Variants in DNMT3L observed in about 807,000 individuals in gnomAD.
DNMT3L encodes the protein DNA (cytosine-5)-methyltransferase 3-like.
DNMT3L carries 33 observed loss-of-function variants against 36.2 expected under a neutral mutation model. That is an observed-to-expected ratio of 0.91 (90% CI 0.69 to 1.22). The LOEUF is 1.22. DNMT3L is among the 50% of genes most tolerant of loss of function. The pLI, the probability that DNMT3L is intolerant of heterozygous loss-of-function variation, is 0.00. For synonymous variants in DNMT3L, 117 were observed against 121.7 expected, an observed-to-expected ratio of 0.96 and a Z score of 0.26; for missense variants, 310 against 303.1, an observed-to-expected ratio of 1.02 and a Z score of -0.17.
Position 44,254,673 on chromosome 21 carries a change from A to G in DNMT3L, c.637T>C (p.Ser213Pro). 1 of 1,614,004 alleles carries G rather than the reference A, an allele frequency of 6.2e-7. No homozygotes were observed. The highest frequency in any genetic ancestry group is 8.5e-7 in the Non-Finnish European group (1 of 1,179,984). Reference protein sequence around the residue: ...LTSLGFLESGSDPGQLKHVVD... With the variant: ...LTSLGFLESGPDPGQLKHVVD... ...ACATGCTTCAGTTGTCCCGGGTCAG[A>G]ACCACTTTCCAAAAAGCCCAAACTC... Residue 213 changes from serine (S) to proline (P), a missense_variant, in exon 8 of 12, where the codon TCT becomes CCT. Ser to Pro is a moderately conservative substitution (Grantham distance 74). Transcript: ENST00000628202.
At chr21:44,256,005 A>T (rs1484314349) in intron 7 of DNMT3L, 62 bp downstream of exon 7, 1 of 1,573,474 alleles carries the variant, frequency 6.4e-7, no homozygotes, top group South Asian at 1.1e-5. Flanking sequence ...GGGTGGCCTG[A>T]GGGGCAGTCA....
intron 6 of DNMT3L, among the ~76,000 whole-genome samples, chr21:44,257,927 A>C (rs2040277740): frequency 6.6e-6 from 1 of 152,032 alleles, no homozygotes; most frequent in Non-Finnish European, 1.5e-5. Context: ...CTCCATCATC[A>C]TGTGACTGTC....
intron 6 of DNMT3L, among the ~76,000 whole-genome samples, chr21:44,256,586 G>A (rs779870003): frequency 1.4e-4 from 21 of 148,712 alleles, no homozygotes; most frequent in Non-Finnish European, 2.8e-4. Flanking sequence ...CACCACGCCC[G>A]GCTAATTTTT....
In DNMT3L at chr21:44,259,461, A is replaced by G. The variant is rs373201082; in HGVS notation, c.320T>C (p.Ile107Thr). 9.3e-6 allele frequency: 15 copies of G among 1,613,510 alleles called. No individual in the cohort carries two copies. Among genetic ancestry groups the G allele is most frequent in the African/African-American group, 1.3e-5 (1 of 74,916 alleles). ...SICCSGETLL[I>T]CGNPDCTRCY... ...CCGGGTGCAATCAGGGTTTCCGCAG[A>G]TGAGCAGCGTCTCTCCGGAGCAGCA... Residue 107 changes from isoleucine to threonine, a missense_variant, in exon 5 of 12, where the codon ATC becomes ACC. Physicochemically the swap from Ile to Thr is moderately conservative, Grantham distance 89. Transcript: ENST00000628202.
At chr21:44,254,005 G>C (rs573814248) in intron 8 of DNMT3L, among the ~76,000 whole-genome samples, 1 of 152,158 alleles carries the variant, frequency 6.6e-6, no homozygotes, top group African/African-American at 2.4e-5. Flanking sequence ...GGTGAGGGGG[G>C]GCTGCTGGTC....
chr21:44,260,700 C>T, intron 3 of DNMT3L, 95 bp downstream of exon 3: 5 of 1,517,718 alleles, frequency 3.3e-6, no homozygotes, highest in Non-Finnish European at 4.6e-6. Flanking sequence ...TCAAATGATC[C>T]TCCCACATTG....
chr21:44,259,551 T>A lies in DNMT3L; in HGVS notation c.232-2A>T. On this transcript the variant is annotated splice_acceptor_variant, in intron 4 of 11. Coordinates refer to ENST00000628202, the MANE Select transcript of DNMT3L (RefSeq NM_175867.3). LOFTEE classifies it high-confidence loss of function. ...GAAGAGGGCATCCAGGAACTTGTCC[T>A]TGGAAGGAGCAAAGCAAGGCTGGCT... is the stretch of plus-strand genomic sequence containing the variant. The A allele has an allele frequency of 6.2e-7, 1 of 1,613,670 alleles. No individual in the cohort carries two copies. Among genetic ancestry groups the A allele is most frequent in the Non-Finnish European group, 8.5e-7 (1 of 1,179,998 alleles).
chr21:44,261,382 C>G, intron 1 of DNMT3L, 116 bp from the exon 2 acceptor site: 1 of 949,636 alleles, frequency 1.1e-6, no homozygotes, highest in East Asian at 2.6e-5. Context: ...GTTCAGGCCA[C>G]CTGAACCCCC....
chr21:44,258,410 AGGCTGCAGCCGTGGTGCCCGTC>A lies in DNMT3L; in HGVS notation c.516+91_516+112del. ...ACCCAGGAAAGAGTGTTTGCTCCCG[AGGCTGCAGCCGTGGTGCCCGTC>A]GGCGCGCCTGCATTCTGCAGCGGGA... On this transcript the variant is annotated intron_variant, in intron 6 of 11. Coordinates refer to ENST00000628202, the MANE Select transcript of DNMT3L (RefSeq NM_175867.3). This position sits in a 1 kb window ranked among gnomAD's most constrained non-coding sequence, Gnocchi z 6.2. 2 of 1,391,612 alleles carry A rather than the reference AGGCTGCAGCCGTGGTGCCCGTC, an allele frequency of 1.4e-6. No homozygotes were observed. The highest frequency in any genetic ancestry group is 1.9e-6 in the Non-Finnish European group (2 of 1,050,694). The allele number at this position is 1,391,612 out of a possible 1,614,324, so 86.2% of individuals were successfully genotyped here. A position where few individuals can be genotyped will look rare whatever the true frequency, so the allele number is the denominator to read the frequency against.
intron 6 of DNMT3L, 59 bp from the exon 7 acceptor site, chr21:44,256,213 G>T: frequency 6.4e-7 from 1 of 1,560,498 alleles, no homozygotes; most frequent in Non-Finnish European, 8.8e-7. Flanking sequence ...CAGAGCCCTT[G>T]AGTTACAATG....
At chr21:44,257,812 C>A (rs911405000) in intron 6 of DNMT3L, among the ~76,000 whole-genome samples, 1 of 152,232 alleles carries the variant, frequency 6.6e-6, no homozygotes, top group African/African-American at 2.4e-5. Context: ...TGCCGGCAGG[C>A]GTGCCTCCCT....
intron 6 of DNMT3L, among the ~76,000 whole-genome samples, chr21:44,257,572 T>C (rs1181468265): frequency 6.8e-6 from 1 of 147,806 alleles, no homozygotes; most frequent in East Asian, 2.0e-4. Flanking sequence ...TCCCAGCTAC[T>C]TGGGAGGCTG....
chr21:44,253,589 G>A (rs1220099950), intron 8 of DNMT3L, among the ~76,000 whole-genome samples: 1 of 152,034 alleles, frequency 6.6e-6, no homozygotes, highest in South Asian at 2.1e-4. Context: ...CATGGTGGCG[G>A]GTGCCTGTAA....
At chr21:44,256,241 G>T (rs1161000580) in intron 6 of DNMT3L, 87 bp from the exon 7 acceptor site, 1 of 1,367,652 alleles carries the variant, frequency 7.3e-7, no homozygotes, top group Non-Finnish European at 1.0e-6. Flanking sequence ...TTCCCTGGAT[G>T]AACACTCACT....
rs747790493 is a variant in DNMT3L at position 44,259,472 on chromosome 21, C to G, written c.309G>C (p.Glu103Asp). The change falls in exon 5 of 12, where the codon GAG becomes GAC. Residue 103 changes from glutamate (E) to aspartate (D), a missense_variant. Glu to Asp is a conservative substitution (Grantham distance 45, BLOSUM62 2). Transcript: ENST00000628202. ...QSYCSICCSG[E>D]TLLICGNPDC... ...CAGGGTTTCCGCAGATGAGCAGCGT[C>G]TCTCCGGAGCAGCAGATGGAGCAGT... is the stretch of plus-strand genomic sequence containing the variant. 6.2e-7 allele frequency: 1 copy of G among 1,613,676 alleles called. No homozygotes were observed. Among genetic ancestry groups the G allele is most frequent in the Non-Finnish European group, 8.5e-7 (1 of 1,180,018 alleles).
rs2040288998 is a variant in DNMT3L at position 44,258,890 on chromosome 21, G to A, written c.345-196C>T. On this transcript the variant is annotated intron_variant, in intron 5 of 11. Transcript: ENST00000628202. This position sits in a 1 kb window ranked among gnomAD's most constrained non-coding sequence, Gnocchi z 6.2. Reference sequence around the variant, plus strand: ...CAGAGTGACAGGAGCCGAGCCAGGTGCAGAAGACAGGGAGGTGGATTCACA... The same window carrying A: ...CAGAGTGACAGGAGCCGAGCCAGGTACAGAAGACAGGGAGGTGGATTCACA... Among the ~76,000 whole-genome samples the A allele has an allele frequency of 6.6e-6, 1 of 152,140 alleles. No individual in the cohort carries two copies. The highest frequency in any genetic ancestry group is 2.4e-5 in the African/African-American group (1 of 41,436).
intron 6 of DNMT3L, among the ~76,000 whole-genome samples, 184 bp from the exon 7 acceptor site, chr21:44,256,338 A>G (rs1052360269): frequency 2.0e-5 from 3 of 149,104 alleles, no homozygotes; most frequent in South Asian, 4.3e-4. Flanking sequence ...AGGAAGGCCA[A>G]CTCCACCCCC....
In DNMT3L at chr21:44,258,454, G is replaced by C. The variant is rs908923762; in HGVS notation, c.516+69C>G. The C allele has an allele frequency of 1.4e-6, 2 of 1,472,530 alleles. No homozygotes were observed. The highest frequency in any genetic ancestry group is 1.8e-6 in the Non-Finnish European group (2 of 1,105,862). The allele number at this position is 1,472,530 out of a possible 1,614,324, so 91.2% of individuals were successfully genotyped here. A position where few individuals can be genotyped will look rare whatever the true frequency, so the allele number is the denominator to read the frequency against. On this transcript the variant is annotated intron_variant, in intron 6 of 11. Coordinates refer to ENST00000628202, the MANE Select transcript of DNMT3L (RefSeq NM_175867.3). This position sits in a 1 kb window ranked among gnomAD's most constrained non-coding sequence, Gnocchi z 6.2. ...CGTCGGCGCGCCTGCATTCTGCAGCGGGAACCGAGGGAAGGCCGTAAGTCA... is the reference window on the plus strand; with the variant it reads ...CGTCGGCGCGCCTGCATTCTGCAGCCGGAACCGAGGGAAGGCCGTAAGTCA...
At chr21:44,255,449 G>A (rs868590580) in intron 7 of DNMT3L, among the ~76,000 whole-genome samples, 8 of 151,580 alleles carry the variant, frequency 5.3e-5, no homozygotes, top group Admixed American at 3.9e-4. Context: ...TGAACCCGGG[G>A]GGCAGAGGTG....
Sources: allele counts gnomAD v4.1 joint callset (sites outside exome capture counted in the v4.1 genomes callset), GRCh38; gene constraint gnomAD v4.1.1; non-coding constraint Gnocchi (gnomAD v3.1); transcripts MANE v1.5; gene names NCBI Gene and HGNC (gene_info 2026-07-23, HGNC 2026-07-21).